CPNE8: variants seen among roughly 807,000 people sequenced by gnomAD.
CPNE8 encodes copine 8.
A neutral mutation model predicts 81.5 loss-of-function variants in CPNE8; 45 were observed. That is an observed-to-expected ratio of 0.55 (90% CI 0.44 to 0.71). The LOEUF (loss-of-function observed/expected upper bound fraction) is 0.71, where lower values mean the gene tolerates loss of function less well. Among genes scored for constraint, CPNE8 ranks in the 30% least tolerant of loss-of-function variants. The pLI, the probability that CPNE8 is intolerant of heterozygous loss-of-function variation, is 0.00. For synonymous variants in CPNE8, 252 were observed against 226.3 expected (o/e 1.11, Z -1.02); for missense variants, 594 against 672.1 (o/e 0.88, Z 1.28).
chr12:38,902,350 A>AAG (rs1473161532), intron 1 of CPNE8, among the ~76,000 whole-genome samples: 2 of 96,480 alleles, frequency 2.1e-5, no homozygotes, highest in African/African-American at 1.3e-4. Context: ...GAAAGAAAGA[A>AAG]AGAAAGAAAG....
chr12:38,746,922 A>G (rs998600228), intron 10 of CPNE8, among the ~76,000 whole-genome samples: 5 of 152,204 alleles, frequency 3.3e-5, no homozygotes, highest in Non-Finnish European at 7.3e-5. Context: ...TATCTTAATT[A>G]AATGAATGAG....
At chr12:38,797,718 A>T (rs896403316) in intron 6 of CPNE8, among the ~76,000 whole-genome samples, 1 of 152,170 alleles carries the variant, frequency 6.6e-6, no homozygotes, top group African/African-American at 2.4e-5. Flanking sequence ...TGACGAGTAG[A>T]GAGAGGAAGG....
chr12:38,814,043 G>C (rs191726074), intron 6 of CPNE8, among the ~76,000 whole-genome samples: 168 of 152,224 alleles, frequency 1.1e-3, no homozygotes, highest in Non-Finnish European at 1.9e-3. Context: ...AGTTGTACAA[G>C]AAGAGTCTTT....
At chr12:38,784,425 C>CA in intron 6 of CPNE8, among the ~76,000 whole-genome samples, 1 of 151,768 alleles carries the variant, frequency 6.6e-6, no homozygotes, top group South Asian at 2.1e-4. Context: ...AAAAAGGAGG[C>CA]AAAAAAGAGA....
At chr12:38,867,684 A>T (rs912086463) in intron 3 of CPNE8, among the ~76,000 whole-genome samples, 1 of 152,234 alleles carries the variant, frequency 6.6e-6, no homozygotes, top group African/African-American at 2.4e-5. Context: ...ATTAGTTGGA[A>T]CATTCTCCCA....
At chr12:38,840,440 G>A (rs964403012) in intron 4 of CPNE8, among the ~76,000 whole-genome samples, 20 of 152,102 alleles carry the variant, frequency 1.3e-4, no homozygotes, top group Non-Finnish European at 2.9e-5. Flanking sequence ...ATTGCAAGAT[G>A]TTGCTACTGG....
chr12:38,759,893 C>G (rs1941538970), intron 10 of CPNE8, among the ~76,000 whole-genome samples: 2 of 152,186 alleles, frequency 1.3e-5, no homozygotes, highest in African/African-American at 4.8e-5. Flanking sequence ...GAGGGTGCCC[C>G]CTCAGCACAG....
At chr12:38,812,679 T>A (rs1192435352) in intron 6 of CPNE8, among the ~76,000 whole-genome samples, 2 of 151,860 alleles carry the variant, frequency 1.3e-5, no homozygotes, top group Non-Finnish European at 2.9e-5. Context: ...TTTGGGGAGG[T>A]GTTTAAGTCA....
intron 6 of CPNE8, among the ~76,000 whole-genome samples, chr12:38,824,799 A>G (rs1379799583): frequency 1.3e-5 from 2 of 152,182 alleles, no homozygotes; most frequent in Admixed American, 1.3e-4. Flanking sequence ...GAGGTGTCCT[A>G]TGCTGCAATT....
chr12:38,899,428 G>T (rs979111895), intron 1 of CPNE8, among the ~76,000 whole-genome samples: 1 of 152,120 alleles, frequency 6.6e-6, no homozygotes, highest in Admixed American at 6.5e-5. Flanking sequence ...CACCCTGATC[G>T]CAGACATCCA....
At chr12:38,749,038 T>C (rs1456658924) in intron 10 of CPNE8, among the ~76,000 whole-genome samples, 1 of 152,182 alleles carries the variant, frequency 6.6e-6, no homozygotes. Flanking sequence ...CCAAATCTCA[T>C]CTTGTAGCTC....
chr12:38,843,637 A>C (rs748432919), intron 4 of CPNE8, among the ~76,000 whole-genome samples: 4 of 152,136 alleles, frequency 2.6e-5, no homozygotes, highest in Non-Finnish European at 4.4e-5. Context: ...AGGAAGTTCT[A>C]GAAAGTGCTT....
intron 6 of CPNE8, among the ~76,000 whole-genome samples, chr12:38,791,056 A>C (rs1019179429): frequency 2.3e-4 from 35 of 151,896 alleles, no homozygotes; most frequent in African/African-American, 8.2e-4. Flanking sequence ...CTGATCTGGC[A>C]ACAAATCTTT....
Position 38,702,807 on chromosome 12 carries a change from T to C in CPNE8, c.961+68A>G, listed in dbSNP as rs376944507. On this transcript the variant is annotated intron_variant, in intron 14 of 19. Transcript: ENST00000331366. Reference sequence around the variant, plus strand: ...AAATATAGAAATAAATTAACACTTATGAAAATATAAATTTATTTTTCATGT... The same window carrying C: ...AAATATAGAAATAAATTAACACTTACGAAAATATAAATTTATTTTTCATGT... The C allele has an allele frequency of 9.7e-5, 93 of 954,752 alleles. No individual in the cohort carries two copies. In the African/African-American group the frequency reaches 1.0e-3, roughly 11 times the overall value. 59.1% of individuals were successfully genotyped at this position (954,752 alleles called of 1,614,324 possible).
chr12:38,659,177 C>G (rs1306484688), intron 19 of CPNE8, among the ~76,000 whole-genome samples: 2 of 149,516 alleles, frequency 1.3e-5, no homozygotes, highest in African/African-American at 4.9e-5. Flanking sequence ...CACACATAGG[C>G]TCAAAATGAA....
intron 13 of CPNE8, among the ~76,000 whole-genome samples, chr12:38,712,930 G>A (rs189337996): frequency 1.6e-3 from 237 of 152,204 alleles, no homozygotes; most frequent in African/African-American, 5.5e-3. Context: ...ACAACAATAC[G>A]ATGAGCTTAG....
At chr12:38,742,547 G>A (rs113848718) in intron 10 of CPNE8, among the ~76,000 whole-genome samples, 1 of 129,218 alleles carries the variant, frequency 7.7e-6, no homozygotes, top group African/African-American at 2.6e-5. Context: ...AGGGAGTGGG[G>A]AGGGATAGCA....
chr12:38,893,053 G>T (rs1008293529), intron 1 of CPNE8, among the ~76,000 whole-genome samples: 5 of 151,904 alleles, frequency 3.3e-5, no homozygotes, highest in Non-Finnish European at 5.9e-5. Flanking sequence ...CATTTTTAAA[G>T]TCTCATGATC....
chr12:38,784,869 A>G (rs905383907), intron 6 of CPNE8, among the ~76,000 whole-genome samples: 14 of 152,174 alleles, frequency 9.2e-5, no homozygotes, highest in African/African-American at 3.1e-4. Flanking sequence ...CTCTCCTATG[A>G]GAAATGCTAA....
Sources: allele counts gnomAD v4.1 joint callset (sites outside exome capture counted in the v4.1 genomes callset), GRCh38; gene constraint gnomAD v4.1.1; transcripts MANE v1.5; gene names NCBI Gene and HGNC (gene_info 2026-07-23, HGNC 2026-07-21).